The following ATP2B2 variants were observed in gnomAD, a reference collection of about 807,000 sequenced individuals.
ATP2B2 encodes plasma membrane calcium-transporting ATPase 2.
A neutral mutation model predicts 120.0 loss-of-function variants in ATP2B2; 15 were observed. The observed-to-expected ratio is 0.12, with a 90% CI of 0.08 to 0.19. The LOEUF is 0.19. Among genes scored for constraint, ATP2B2 ranks in the 10% least tolerant of loss-of-function variants. The probability of loss-of-function intolerance (pLI) is 1.00; values close to 1 mark genes in which losing one functional copy is unlikely to be tolerated. For synonymous variants in ATP2B2, 694 were observed against 700.3 expected (o/e 0.99, Z 0.14); for missense variants, 1,045 against 1,719.8 (o/e 0.61, Z 6.94).
chr3:10,349,079 G>A (rs1332462259), intron 16 of ATP2B2, among the ~76,000 whole-genome samples: 1 of 152,220 alleles, frequency 6.6e-6, no homozygotes, highest in Non-Finnish European at 1.5e-5. Flanking sequence ...TTTTACAAAT[G>A]AGGAAACTGA....
At chr3:10,604,730 C>A (rs2069016116) in intron 2 of ATP2B2, among the ~76,000 whole-genome samples, 1 of 152,218 alleles carries the variant, frequency 6.6e-6, no homozygotes, top group Non-Finnish European at 1.5e-5. Flanking sequence ...AGCTTCTCTT[C>A]ATATTAATAA....
chr3:10,655,445 C>T (rs1385224587), intron 1 of ATP2B2, among the ~76,000 whole-genome samples: 1 of 98,150 alleles, frequency 1.0e-5, no homozygotes, highest in African/African-American at 9.4e-5. Flanking sequence ...TGTAAATTCC[C>T]TGGGTGCTTC....
intron 2 of ATP2B2, among the ~76,000 whole-genome samples, chr3:10,541,369 T>C (rs1261514857): frequency 2.0e-5 from 3 of 152,204 alleles, no homozygotes; most frequent in Non-Finnish European, 2.9e-5. Context: ...AGATTGTTGA[T>C]TTCAGAATTC....
chr3:10,533,028 A>C (rs1202604108), intron 3 of ATP2B2, among the ~76,000 whole-genome samples: 5 of 152,342 alleles, frequency 3.3e-5, no homozygotes, highest in African/African-American at 1.2e-4. Context: ...TGTGCAACGT[A>C]AGTTGTGTCT....
At chr3:10,625,395 G>A (rs1559493043) in intron 1 of ATP2B2, among the ~76,000 whole-genome samples, 1 of 152,196 alleles carries the variant, frequency 6.6e-6, no homozygotes, top group African/African-American at 2.4e-5. Flanking sequence ...GCAGCTGCAG[G>A]GGAGATAAGA....
At chr3:10,408,232 C>A (rs1359912242) in intron 3 of ATP2B2, among the ~76,000 whole-genome samples, 1 of 152,206 alleles carries the variant, frequency 6.6e-6, no homozygotes, top group Non-Finnish European at 1.5e-5. Flanking sequence ...CAGCTGGGCC[C>A]CAGTCTCTGG....
chr3:10,422,156 G>C (rs1248599199), intron 2 of ATP2B2, among the ~76,000 whole-genome samples: 1 of 152,138 alleles, frequency 6.6e-6, no homozygotes, highest in Non-Finnish European at 1.5e-5. Context: ...ACCTCCCCTG[G>C]CTCCTGCCTC....
chr3:10,381,334 T>C (rs976727681), intron 8 of ATP2B2, among the ~76,000 whole-genome samples: 1 of 152,240 alleles, frequency 6.6e-6, no homozygotes, highest in Non-Finnish European at 1.5e-5. Context: ...TTTTATTTTC[T>C]AAAATAATTT....
chr3:10,421,863 G>A (rs948301422), intron 2 of ATP2B2, among the ~76,000 whole-genome samples: 1 of 152,200 alleles, frequency 6.6e-6, no homozygotes, highest in Non-Finnish European at 1.5e-5. Context: ...TATTTAGTTA[G>A]TCTTGAGAGA....
intron 22 of ATP2B2, chr3:10,331,874 CT>C (rs774084788): frequency 4.4e-5 from 48 of 1,099,514 alleles, no homozygotes; most frequent in Non-Finnish European, 6.2e-5. Context: ...CGCACAGGCC[CT>C]GGTCTGAGAT....
intron 22 of ATP2B2, among the ~76,000 whole-genome samples, chr3:10,331,019 TTC>T (rs1249387350): frequency 6.6e-6 from 1 of 152,240 alleles, no homozygotes; most frequent in African/African-American, 2.4e-5. Context: ...GTGCTGACTT[TTC>T]TGTTTTCTGA....
intron 2 of ATP2B2, among the ~76,000 whole-genome samples, chr3:10,590,456 A>G (rs2068616722): frequency 6.6e-6 from 1 of 152,232 alleles, no homozygotes; most frequent in Admixed American, 6.5e-5. Context: ...AAAGCCTTCT[A>G]GAGTGTCCTT....
At chr3:10,613,409 C>T (rs577372867) in intron 2 of ATP2B2, among the ~76,000 whole-genome samples, 6 of 152,240 alleles carry the variant, frequency 3.9e-5, no homozygotes, top group East Asian at 1.9e-4. Context: ...GTCAGAACTG[C>T]GGGCAGCTTG....
At chr3:10,355,690 T>C (rs911320988) in intron 14 of ATP2B2, among the ~76,000 whole-genome samples, 10 of 152,228 alleles carry the variant, frequency 6.6e-5, no homozygotes, top group African/African-American at 2.4e-4. Flanking sequence ...CAACAGAAAA[T>C]GCCAGGAACC....
chr3:10,471,699 T>C (rs2065010008), intron 1 of ATP2B2, among the ~76,000 whole-genome samples: 1 of 152,144 alleles, frequency 6.6e-6, no homozygotes, highest in Non-Finnish European at 1.5e-5. Flanking sequence ...TAGTGTGATT[T>C]GATCATGCCA....
Position 10,326,952 on chromosome 3 carries a change from A to G in ATP2B2, c.*1862T>C, listed in dbSNP as rs553276785. ...CACAGCCATCGTGAGGAGGGTCAGC[A>G]TGAGGAATGGATTTTGCAAGAGAGG... On this transcript the variant is annotated 3_prime_UTR_variant, in exon 23 of 23. Transcript: ENST00000360273. 4 of 398,642 alleles carry G rather than the reference A, an allele frequency of 1.0e-5. No homozygotes were observed. The South Asian group carries it at 5.4e-4, about 53-fold the overall frequency. The allele number at this position is 398,642 out of a possible 1,614,324, so 24.7% of individuals were successfully genotyped here. A position where few individuals can be genotyped will look rare whatever the true frequency, so the allele number is the denominator to read the frequency against.
intron 12 of ATP2B2, among the ~76,000 whole-genome samples, chr3:10,370,311 G>A (rs189721570): frequency 7.0e-4 from 106 of 152,322 alleles, no homozygotes; most frequent in African/African-American, 1.9e-3. Context: ...TCTGGGAATC[G>A]CCCTGTTCCC....
chr3:10,360,126 G>A lies in ATP2B2; in HGVS notation c.1660-3C>T. The A allele has an allele frequency of 6.3e-7, 1 of 1,586,760 alleles. No homozygotes were observed. The highest frequency in any genetic ancestry group is 1.7e-5 in the Admixed American group (1 of 59,216). On this transcript the variant is annotated splice_polypyrimidine_tract_variant and splice_region_variant and intron_variant, in intron 12 of 22. Coordinates refer to ENST00000360273, the MANE Select transcript of ATP2B2 (RefSeq NM_001001331.4). ...AGGGCGCCCTCCTTCTCTGGGGGCT[G>A]CAGAGAGAGGAAGGAGCGGCTGGCA...
In ATP2B2 at chr3:10,576,059, C is replaced by T. The variant is rs111660568; in HGVS notation, c.-414-41926G>A. ...GCAAATGCTGCTAACGTGTTCATTT[C>T]ACACATGGCGAAGCTGGGGCTTTGC... On this transcript the variant is annotated intron_variant, in intron 2 of 21. Coordinates refer to the ATP2B2 transcript ENST00000646379. Among the ~76,000 whole-genome samples the T allele has an allele frequency of 4.7e-4, 72 of 152,320 alleles. 2 individuals carry two copies. The highest frequency in any genetic ancestry group is 1.6e-3 in the African/African-American group (66 of 41,574).
Sources: gnomAD v4.1 joint callset for allele counts (sites outside exome capture counted in the v4.1 genomes callset) on GRCh38, gnomAD v4.1.1 for gene constraint, MANE v1.5 for transcripts, NCBI Gene and HGNC (gene_info 2026-07-23, HGNC 2026-07-21) for gene names.